The following PATL1 variants were observed in gnomAD, a reference collection of about 807,000 sequenced individuals.
The protein encoded by PATL1 is PAT1 homolog 1, processing body mRNA decay factor, also known as protein PAT1 homolog 1.
Under a neutral mutation model 100.6 loss-of-function variants are expected in PATL1, and 32 were observed. The observed-to-expected ratio is 0.32, with a 90% CI of 0.24 to 0.43. PATL1 has a LOEUF of 0.43. PATL1 is among the 20% of genes least tolerant of loss of function. The pLI, the probability that PATL1 is intolerant of heterozygous loss-of-function variation, is 1.00. For missense variants in PATL1, 747 were observed against 949.9 expected, an observed-to-expected ratio of 0.79 and a Z score of 2.81; for synonymous variants, 332 against 330.0, an observed-to-expected ratio of 1.01 and a Z score of -0.07.
At chr11:59,665,211 A>G (rs1459962545) in intron 2 of PATL1, among the ~76,000 whole-genome samples, 1 of 152,242 alleles carries the variant, frequency 6.6e-6, no homozygotes, top group Admixed American at 6.5e-5. Context: ...TATTCAAGTC[A>G]GTCTAAGCTT....
intron 5 of PATL1, chr11:59,657,025 A>G: frequency 4.3e-6 from 4 of 930,682 alleles, no homozygotes; most frequent in Non-Finnish European, 5.1e-6. Flanking sequence ...TGACTCCACC[A>G]TTTCATAGGA....
At position 59,652,959 on chromosome 11, in the gene PATL1, T is replaced by A. The variant is rs780442371; in HGVS notation, c.1181A>T (p.Asp394Val). The change falls in exon 10 of 19, where the codon GAT becomes GTT. Residue 394 changes from aspartate to valine, a missense_variant. Transcript: ENST00000300146. ...GGCATATGGATCCTTTCGGAGATGA[T>A]CTTGATGACTGCTCCGGTGACTTCC... ...DRGSHRSSHQ[D>V]HLRKDPYANL... 9.9e-6 allele frequency: 16 copies of A among 1,613,952 alleles called. No individual in the cohort carries two copies. Among genetic ancestry groups the A allele is most frequent in the South Asian group, 9.9e-5 (9 of 91,074 alleles).
chr11:59,653,815 C>T (rs1861482562), intron 9 of PATL1, among the ~76,000 whole-genome samples, 168 bp downstream of exon 9: 1 of 152,060 alleles, frequency 6.6e-6, no homozygotes, highest in South Asian at 2.1e-4. Context: ...TTCCTTGCTT[C>T]TTTACTCAAT....
At chr11:59,659,072 C>T (rs1861590337) in intron 3 of PATL1, 126 bp from the exon 4 acceptor site, 8 of 1,013,056 alleles carry the variant, frequency 7.9e-6, no homozygotes, top group Non-Finnish European at 1.2e-5. Context: ...TATAGGGCTC[C>T]AGAATATACA....
In PATL1 at chr11:59,651,534, T is replaced by C. The variant is rs1861443182; in HGVS notation, c.1524+10A>G. The C allele has an allele frequency of 1.9e-6, 3 of 1,594,084 alleles. No individual in the cohort carries two copies. The highest frequency in any genetic ancestry group is 2.2e-5 in the South Asian group (2 of 90,138). On this transcript the variant is annotated intron_variant, in intron 12 of 18. Transcript: ENST00000300146. ...GACGTTCTTAAACAGACAATTGTGT[T>C]GACACTTACATCATCCTCACTCCGA... is the stretch of plus-strand genomic sequence containing the variant.
chr11:59,668,478 G>T (rs72927435), intron 1 of PATL1, among the ~76,000 whole-genome samples: 33 of 152,242 alleles, frequency 2.2e-4, no homozygotes, highest in Non-Finnish European at 4.0e-4. Context: ...AGGTGGGTGG[G>T]GGGTGGTTCC....
At chr11:59,667,153 T>C in intron 1 of PATL1, 189 bp from the exon 2 acceptor site, 1 of 852,762 alleles carries the variant, frequency 1.2e-6, no homozygotes, top group Non-Finnish European at 1.4e-6. Context: ...TTCTTTCACT[T>C]TCTATTTCCT....
At chr11:59,663,522 C>G (rs1861652607) in intron 2 of PATL1, among the ~76,000 whole-genome samples, 1 of 151,446 alleles carries the variant, frequency 6.6e-6, no homozygotes, top group Non-Finnish European at 1.5e-5. Context: ...GTCACTCTTC[C>G]TCATTTGTTA....
Position 59,649,592 on chromosome 11 carries a change from C to G in PATL1, c.1603G>C (p.Asp535His). 2 of 1,612,974 alleles carry G rather than the reference C, an allele frequency of 1.2e-6. No individual in the cohort carries two copies. Among genetic ancestry groups the G allele is most frequent in the South Asian group, 1.1e-5 (1 of 90,848 alleles). The change falls in exon 14 of 19, where the codon GAT (aspartate) becomes CAT (histidine). Residue 535 changes from aspartate (D) to histidine (H), a missense_variant. This residue lies in a region of PATL1 where 434 missense variants were observed against 596.1 expected (regional missense o/e 0.73). Coordinates refer to ENST00000300146, the MANE Select transcript of PATL1 (RefSeq NM_152716.3). ...TAACGTCTTTCATAGTCCTCCACAT[C>G]AAGGAGTAAGCTGTAGGTCTAAGAA... ...IIEKTYSLLLDVEDYERRYLL... is the reference protein window; with the variant it reads ...IIEKTYSLLLHVEDYERRYLL...
At chr11:59,662,780 C>T (rs546528138) in intron 2 of PATL1, among the ~76,000 whole-genome samples, 11 of 152,274 alleles carry the variant, frequency 7.2e-5, no homozygotes, top group Admixed American at 7.2e-4. Flanking sequence ...AATTTGCATG[C>T]TTTTCTATCA....
chr11:59,653,716 C>T (rs996821685), intron 9 of PATL1, among the ~76,000 whole-genome samples: 11 of 152,076 alleles, frequency 7.2e-5, no homozygotes, highest in Admixed American at 6.6e-4. Flanking sequence ...TGTTTTTCTA[C>T]GTTTATTACT....
Position 59,639,192 on chromosome 11 carries a change from T to C in PATL1, c.2147A>G (p.Glu716Gly). 6.2e-7 allele frequency: 1 copy of C among 1,613,710 alleles called. No individual in the cohort carries two copies. The highest frequency in any genetic ancestry group is 8.5e-7 in the Non-Finnish European group (1 of 1,179,794). ...TESTQNNQWT[E>G]VMFMATRELL... Reference sequence around the variant, plus strand: ...TTCTCGTGTTGCCATGAACATCACCTCCGTCCTGACAGGGAAGACCCATAA... The same window carrying C: ...TTCTCGTGTTGCCATGAACATCACCCCCGTCCTGACAGGGAAGACCCATAA... Residue 716 changes from glutamate to glycine, a missense_variant, in exon 18 of 19, where the codon GAG (glutamate) becomes GGG (glycine). Glu to Gly is a moderately conservative substitution (Grantham distance 98). Coordinates refer to ENST00000300146, the MANE Select transcript of PATL1 (RefSeq NM_152716.3).
At chr11:59,655,894 T>C in intron 7 of PATL1, 62 bp downstream of exon 7, 1 of 1,399,234 alleles carries the variant, frequency 7.1e-7, no homozygotes, top group Non-Finnish European at 9.9e-7. Context: ...AAGGGGCTAT[T>C]ATCTAATGAA....
At position 59,638,089 on chromosome 11, in the gene PATL1, G is replaced by T; in HGVS notation, c.*301C>A. 1 of 424,466 alleles carries T rather than the reference G, an allele frequency of 2.4e-6. No individual in the cohort carries two copies. Among genetic ancestry groups the T allele is most frequent in the Non-Finnish European group, 4.3e-6 (1 of 230,750 alleles). The allele number at this position is 424,466 out of a possible 1,614,324, so 26.3% of individuals were successfully genotyped here. ...GGAGTAGTGGAGGGATAAAGGGAGA[G>T]ATTACACTTGTGTCTCTAGGGCAAA... On this transcript the variant is annotated 3_prime_UTR_variant, in exon 19 of 19. Transcript: ENST00000300146.
intron 15 of PATL1, among the ~76,000 whole-genome samples, chr11:59,647,481 A>G (rs1430680248): frequency 6.6e-6 from 1 of 152,224 alleles, no homozygotes; most frequent in Non-Finnish European, 1.5e-5. Context: ...TATCTACGCA[A>G]GTAATTCTGA....
At chr11:59,653,788 T>C (rs927766522) in intron 9 of PATL1, among the ~76,000 whole-genome samples, 195 bp downstream of exon 9, 3 of 152,250 alleles carry the variant, frequency 2.0e-5, no homozygotes, top group Non-Finnish European at 4.4e-5. Flanking sequence ...TTTACATAAA[T>C]GGTACATATA....
At chr11:59,639,648 C>T in intron 16 of PATL1, 1 of 310,934 alleles carries the variant, frequency 3.2e-6, no homozygotes, top group Non-Finnish European at 5.9e-6. Context: ...CTCTGTTCCC[C>T]ATGCTGAGGT....
rs766032076 is a variant in PATL1, at chr11:59,637,388, C to T, written c.*1002G>A. 1.3e-5 allele frequency: 2 copies of T among 152,616 alleles called. No homozygotes were observed. The highest frequency in any genetic ancestry group is 2.9e-5 in the Non-Finnish European group (2 of 68,040). The allele number at this position is 152,616 out of a possible 1,614,324, so 9.5% of individuals were successfully genotyped here. On this transcript the variant is annotated 3_prime_UTR_variant, in exon 19 of 19. Transcript: ENST00000300146. ...AAAAAGCAAAGCAGGCCAAACTTAGCTTCCATGGTTACATTTGGAAGTTTC... is the reference window on the plus strand; with the variant it reads ...AAAAAGCAAAGCAGGCCAAACTTAGTTTCCATGGTTACATTTGGAAGTTTC...
At chr11:59,657,088 T>C (rs983090104) in intron 5 of PATL1, 15 of 985,130 alleles carry the variant, frequency 1.5e-5, no homozygotes, top group African/African-American at 1.7e-5. Flanking sequence ...ACCTTCCAAA[T>C]TGGCCTTCCT....
Sources: allele counts gnomAD v4.1 joint callset (sites outside exome capture counted in the v4.1 genomes callset), GRCh38; gene constraint gnomAD v4.1.1; regional missense constraint gnomAD v4.1.1; transcripts MANE v1.5; gene names NCBI Gene and HGNC (gene_info 2026-07-23, HGNC 2026-07-21).